The following ADAMTS17 variants were observed in gnomAD, a reference collection of about 807,000 sequenced individuals.
ADAMTS17 encodes the protein A disintegrin and metalloproteinase with thrombospondin motifs 17.
ADAMTS17 carries 113 observed loss-of-function variants against 141.5 expected under a neutral mutation model. The observed-to-expected ratio is 0.80, with a 90% confidence interval of 0.69 to 0.93. The LOEUF (loss-of-function observed/expected upper bound fraction) is 0.93. ADAMTS17 is among the 40% of genes least tolerant of loss of function. The pLI is 0.00. For synonymous variants in ADAMTS17, 768 were observed against 630.6 expected (o/e 1.22, Z -3.27); for missense variants, 1,659 against 1,517.9 (o/e 1.09, Z -1.54).
intron 18 of ADAMTS17, among the ~76,000 whole-genome samples, chr15:100,012,099 G>A (rs2061196945): frequency 6.6e-6 from 1 of 152,142 alleles, no homozygotes; most frequent in African/African-American, 2.4e-5. Flanking sequence ...CAGTAGTAAT[G>A]GGGTATCGCA....
intron 3 of ADAMTS17, among the ~76,000 whole-genome samples, chr15:100,330,040 C>G (rs1232001255): frequency 1.3e-5 from 2 of 152,220 alleles, no homozygotes; most frequent in Admixed American, 6.5e-5. Context: ...GTCCCACGAT[C>G]TCCTGGGAGG....
intron 15 of ADAMTS17, among the ~76,000 whole-genome samples, chr15:100,090,002 A>AC (rs1418273926): frequency 6.6e-6 from 1 of 151,892 alleles, no homozygotes; most frequent in Admixed American, 6.6e-5. Context: ...TAAAAAAAAA[A>AC]AAAACAAAAT....
intron 20 of ADAMTS17, among the ~76,000 whole-genome samples, chr15:99,983,240 C>CA (rs1267878777): frequency 6.6e-6 from 1 of 152,168 alleles, no homozygotes; most frequent in Non-Finnish European, 1.5e-5. Flanking sequence ...TGTTAATCCT[C>CA]ACACTGACAG....
At chr15:100,125,289 T>C (rs1184652483) in intron 12 of ADAMTS17, among the ~76,000 whole-genome samples, 3 of 152,262 alleles carry the variant, frequency 2.0e-5, no homozygotes, top group African/African-American at 4.8e-5. Context: ...ATGTAACTTA[T>C]GCTTCAGTGT....
intron 2 of ADAMTS17, among the ~76,000 whole-genome samples, chr15:100,338,382 C>G (rs1294077325): frequency 2.6e-5 from 4 of 152,202 alleles, no homozygotes; most frequent in Non-Finnish European, 5.9e-5. Context: ...CCAGCCCAGG[C>G]ACTCAACACT....
chr15:100,238,253 C>T (rs1443186094), intron 7 of ADAMTS17, among the ~76,000 whole-genome samples: 1 of 152,216 alleles, frequency 6.6e-6, no homozygotes, highest in Non-Finnish European at 1.5e-5. Context: ...TTTCAGGTCC[C>T]AGCCCCTCCA....
chr15:100,247,202 T>A (rs1021338041), intron 7 of ADAMTS17, among the ~76,000 whole-genome samples: 1 of 152,116 alleles, frequency 6.6e-6, no homozygotes, highest in Admixed American at 6.6e-5. Flanking sequence ...ACTATACTTC[T>A]AACACACAGT....
In ADAMTS17 at chr15:100,271,596, T is replaced by C. The variant is rs548387083; in HGVS notation, c.790-9161A>G. 3.2e-3 allele frequency among the ~76,000 whole-genome samples: 467 copies of C among 146,358 alleles called. 4 individuals carry two copies. Among genetic ancestry groups the C allele is most frequent in the Non-Finnish European group, 5.9e-3 (390 of 66,118 alleles). ...TTTTAAATTGAATTGTTTTTTTTTT[T>C]CCTTCCTGGGTTTTAGAAGCTTTCT... On this transcript the variant is annotated intron_variant, in intron 4 of 21. Coordinates refer to ENST00000268070, the MANE Select transcript of ADAMTS17 (RefSeq NM_139057.4).
intron 8 of ADAMTS17, among the ~76,000 whole-genome samples, chr15:100,156,820 AAC>A (rs139880434): frequency 2.6e-5 from 4 of 151,894 alleles, no homozygotes; most frequent in African/African-American, 4.8e-5. Context: ...TGTGTATACA[AAC>A]ACACACACAC....
chr15:100,102,574 C>A (rs1298683883), intron 14 of ADAMTS17, among the ~76,000 whole-genome samples: 1 of 150,418 alleles, frequency 6.6e-6, no homozygotes, highest in African/African-American at 2.4e-5. Flanking sequence ...AGGGGCTCTA[C>A]ATTTGAAGGC....
chr15:100,144,164 G>A (rs945416967), intron 10 of ADAMTS17, among the ~76,000 whole-genome samples: 11 of 152,304 alleles, frequency 7.2e-5, no homozygotes, highest in African/African-American at 2.6e-4. Context: ...ACAAGATCTG[G>A]CCCTGGGTCT....
intron 8 of ADAMTS17, among the ~76,000 whole-genome samples, chr15:100,158,589 C>T (rs1215249084): frequency 6.7e-6 from 1 of 149,106 alleles, no homozygotes. Context: ...GCAGCTCCCC[C>T]TTCCTCCTCC....
chr15:100,041,168 T>C (rs556427331), intron 18 of ADAMTS17, among the ~76,000 whole-genome samples: 1 of 152,316 alleles, frequency 6.6e-6, no homozygotes, highest in East Asian at 1.9e-4. Context: ...TTAAGATAAT[T>C]GAGGAAGGAG....
chr15:100,146,420 A>G (rs1243881850), intron 10 of ADAMTS17, among the ~76,000 whole-genome samples: 1 of 152,034 alleles, frequency 6.6e-6, no homozygotes. Flanking sequence ...GACACTTATC[A>G]CCTCCCCAAT....
intron 14 of ADAMTS17, among the ~76,000 whole-genome samples, chr15:100,098,831 G>A (rs1207049123): frequency 6.6e-6 from 1 of 152,152 alleles, no homozygotes; most frequent in African/African-American, 2.4e-5. Context: ...TTCTGCTGGG[G>A]CCACAGGGCC....
At chr15:100,057,334 C>T (rs116228287) in intron 15 of ADAMTS17, among the ~76,000 whole-genome samples, 1 of 152,140 alleles carries the variant, frequency 6.6e-6, no homozygotes, top group Admixed American at 6.5e-5. Flanking sequence ...CAGAGATGAG[C>T]AAATGATTTC....
intron 15 of ADAMTS17, among the ~76,000 whole-genome samples, chr15:100,068,747 T>A (rs976386301): frequency 2.6e-5 from 4 of 152,130 alleles, no homozygotes; most frequent in African/African-American, 9.7e-5. Flanking sequence ...CAAAACCCCA[T>A]CTGTATGTCA....
chr15:100,046,228 C>A (rs1242466200), intron 18 of ADAMTS17, among the ~76,000 whole-genome samples: 1 of 152,150 alleles, frequency 6.6e-6, no homozygotes, highest in East Asian at 1.9e-4. Flanking sequence ...CTCCAGAGTT[C>A]TTAATTGTTA....
intron 8 of ADAMTS17, among the ~76,000 whole-genome samples, chr15:100,172,914 A>G (rs1273476213): frequency 1.3e-5 from 2 of 152,262 alleles, no homozygotes; most frequent in Non-Finnish European, 2.9e-5. Flanking sequence ...CTAACAAAGG[A>G]ACAAGCATTC....
Sources: allele counts gnomAD v4.1 joint callset (sites outside exome capture counted in the v4.1 genomes callset), GRCh38; gene constraint gnomAD v4.1.1; transcripts MANE v1.5; gene names NCBI Gene and HGNC (gene_info 2026-07-23, HGNC 2026-07-21).